Variants in CDH18 observed in about 807,000 individuals in gnomAD.
CDH18 encodes cadherin 18.
CDH18 carries 31 observed loss-of-function variants against 67.9 expected under a neutral mutation model. That is an observed-to-expected ratio of 0.46 (90% CI 0.34 to 0.62). The LOEUF (loss-of-function observed/expected upper bound fraction) is 0.62. Ranked by LOEUF, CDH18 falls within the 20% of genes least tolerant of loss-of-function variation. The pLI is 0.01. For missense variants in CDH18, 890 were observed against 975.5 expected (o/e 0.91, Z 1.17); for synonymous variants, 362 against 347.2 (o/e 1.04, Z -0.48).
At chr5:19,479,676 A>G (rs962813648) in intron 12 of CDH18, among the ~76,000 whole-genome samples, 6 of 152,080 alleles carry the variant, frequency 3.9e-5, no homozygotes, top group Non-Finnish European at 7.4e-5. Flanking sequence ...GGAAATTTAT[A>G]TCTAGGATAA....
intron 5 of CDH18, among the ~76,000 whole-genome samples, chr5:19,690,667 T>C (rs949694216): frequency 8.6e-5 from 13 of 151,386 alleles, no homozygotes; most frequent in Non-Finnish European, 1.2e-4. Flanking sequence ...GCTAACAAAA[T>C]AGAAAAACTA....
chr5:20,098,648 T>A (rs1746191223), intron 2 of CDH18, among the ~76,000 whole-genome samples: 1 of 152,126 alleles, frequency 6.6e-6, no homozygotes, highest in Non-Finnish European at 1.5e-5. Context: ...ATTTTTTCCT[T>A]GACTATTTTA....
chr5:19,802,566 T>C (rs550340924), intron 3 of CDH18, among the ~76,000 whole-genome samples: 10 of 152,174 alleles, frequency 6.6e-5, no homozygotes, highest in African/African-American at 9.7e-5. Flanking sequence ...GTTGAGGCAT[T>C]ATACTAGGTA....
chr5:20,062,806 A>T lies in CDH18; in HGVS notation c.-517-70792T>A, dbSNP rs368065771. 5.1e-4 allele frequency among the ~76,000 whole-genome samples: 78 copies of T among 152,298 alleles called. No homozygotes were observed. In the East Asian group the frequency reaches 0.014, roughly 28 times the overall value. ...TTAAATAAATTAAATTTAGGACTGA[A>T]TGCTTAGGTCAGTCCTTTTCAAGCT... On this transcript the variant is annotated intron_variant, in intron 2 of 14. Transcript: ENST00000507958.
At chr5:20,296,991 C>T (rs912494952) in intron 1 of CDH18, among the ~76,000 whole-genome samples, 7 of 151,678 alleles carry the variant, frequency 4.6e-5, no homozygotes, top group African/African-American at 1.7e-4. Context: ...TATATTTATT[C>T]TGAGATAGAT....
At chr5:20,317,678 A>G (rs1339155820) in intron 1 of CDH18, among the ~76,000 whole-genome samples, 4 of 152,284 alleles carry the variant, frequency 2.6e-5, no homozygotes, top group South Asian at 2.1e-4. Flanking sequence ...GCTTTTATGC[A>G]TATATCAAAA....
Position 20,088,340 on chromosome 5 carries a change from G to A in CDH18, c.-517-96326C>T, listed in dbSNP as rs1745147968. 2.0e-5 allele frequency among the ~76,000 whole-genome samples: 3 copies of A among 152,218 alleles called. 1 individual carries two copies. In the South Asian group the frequency reaches 6.2e-4, roughly 32 times the overall value. On this transcript the variant is annotated intron_variant, in intron 2 of 14. Transcript: ENST00000507958. ...AACTGACAAAGGGATTGGCCTTGTT[G>A]ATCCAATGGTATTCTAGTAATAAGT...
intron 7 of CDH18, among the ~76,000 whole-genome samples, chr5:19,576,342 A>T (rs1742309092): frequency 6.6e-6 from 1 of 152,170 alleles, no homozygotes. Context: ...TGAAAATTGT[A>T]CATCGGATAA....
intron 6 of CDH18, among the ~76,000 whole-genome samples, chr5:19,596,550 G>A (rs1413690361): frequency 6.6e-6 from 1 of 152,120 alleles, no homozygotes; most frequent in South Asian, 2.1e-4. Flanking sequence ...AGATGTCTTA[G>A]TTAACAGAGA....
intron 1 of CDH18, among the ~76,000 whole-genome samples, chr5:20,408,735 C>T (rs1746514472): frequency 1.3e-5 from 2 of 151,510 alleles, no homozygotes; most frequent in African/African-American, 4.8e-5. Context: ...TAAATTCTTC[C>T]CTATCAATAA....
intron 5 of CDH18, among the ~76,000 whole-genome samples, chr5:19,660,036 T>C (rs1478346807): frequency 6.6e-6 from 1 of 152,102 alleles, no homozygotes; most frequent in Non-Finnish European, 1.5e-5. Flanking sequence ...TTACCCTTTA[T>C]CCTGTCAACA....
chr5:19,489,399 C>A (rs1370874574), intron 11 of CDH18, among the ~76,000 whole-genome samples: 1 of 151,878 alleles, frequency 6.6e-6, no homozygotes, highest in Non-Finnish European at 1.5e-5. Flanking sequence ...AGGCGCCCGC[C>A]ACCACACCTG....
intron 8 of CDH18, among the ~76,000 whole-genome samples, chr5:19,555,542 G>A (rs1215314750): frequency 1.3e-5 from 2 of 152,156 alleles, no homozygotes; most frequent in Non-Finnish European, 2.9e-5. Flanking sequence ...ATGCAGCAGA[G>A]AAAGCCATAA....
At chr5:19,868,597 C>T (rs1336001622) in intron 2 of CDH18, among the ~76,000 whole-genome samples, 1 of 152,144 alleles carries the variant, frequency 6.6e-6, no homozygotes, top group Non-Finnish European at 1.5e-5. Flanking sequence ...ATATGTATAT[C>T]AAATGAGTTG....
intron 2 of CDH18, among the ~76,000 whole-genome samples, chr5:20,195,091 T>C (rs1196143641): frequency 2.6e-5 from 4 of 152,014 alleles, no homozygotes; most frequent in Non-Finnish European, 5.9e-5. Flanking sequence ...CTAAAATAAG[T>C]AATATGCAGA....
chr5:20,333,516 A>AC (rs1739385656), intron 1 of CDH18, among the ~76,000 whole-genome samples: 1 of 129,816 alleles, frequency 7.7e-6, no homozygotes, highest in Non-Finnish European at 1.6e-5. Flanking sequence ...AAAAAAAAAA[A>AC]AACAATATAT....
At chr5:20,263,291 A>T (rs1744799489) in intron 1 of CDH18, among the ~76,000 whole-genome samples, 1 of 152,070 alleles carries the variant, frequency 6.6e-6, no homozygotes, top group African/African-American at 2.4e-5. Context: ...TTATTTGCGT[A>T]GTGTCAGAAA....
chr5:20,547,870 T>C (rs897387053), intron 1 of CDH18, among the ~76,000 whole-genome samples: 3 of 152,130 alleles, frequency 2.0e-5, no homozygotes, highest in Non-Finnish European at 2.9e-5. Flanking sequence ...CAGATACTTT[T>C]ATTAGTACCT....
At chr5:20,336,244 C>T (rs1739721197) in intron 1 of CDH18, among the ~76,000 whole-genome samples, 1 of 152,016 alleles carries the variant, frequency 6.6e-6, no homozygotes, top group Non-Finnish European at 1.5e-5. Flanking sequence ...TCCCCTTTTC[C>T]CCCAACAGCA....
Sources: gnomAD v4.1 joint callset for allele counts (sites outside exome capture counted in the v4.1 genomes callset) on GRCh38, gnomAD v4.1.1 for gene constraint, MANE v1.5 for transcripts, NCBI Gene and HGNC (gene_info 2026-07-23, HGNC 2026-07-21) for gene names.